Variants in ROBO1 observed in about 807,000 individuals in gnomAD.
ROBO1 encodes roundabout guidance receptor 1, also known as roundabout homolog 1.
Under a neutral mutation model 195.9 loss-of-function variants are expected in ROBO1, and 149 were observed. The observed-to-expected ratio is 0.76, with a 90% CI of 0.67 to 0.87. The LOEUF is 0.87. Ranked by LOEUF, ROBO1 falls within the 40% of genes least tolerant of loss-of-function variation. The probability of loss-of-function intolerance (pLI) is 0.00; values close to 1 mark genes in which losing one functional copy is unlikely to be tolerated. For missense variants in ROBO1, 1,933 were observed against 2,068.3 expected (o/e 0.93, Z 1.27); for synonymous variants, 816 against 733.2 (o/e 1.11, Z -1.82).
chr3:78,710,023 G>A (rs577202903), intron 8 of ROBO1, among the ~76,000 whole-genome samples: 2 of 152,096 alleles, frequency 1.3e-5, no homozygotes, highest in African/African-American at 2.4e-5. Context: ...CTTCACTGGC[G>A]CTAGCAAAAT....
chr3:78,737,446 G>C (rs2082418119), intron 5 of ROBO1, among the ~76,000 whole-genome samples: 1 of 152,138 alleles, frequency 6.6e-6, no homozygotes, highest in African/African-American at 2.4e-5. Flanking sequence ...TAGGTATTAA[G>C]TGTGTCACCA....
intron 2 of ROBO1, among the ~76,000 whole-genome samples, chr3:79,231,111 A>G (rs1489175094): frequency 6.6e-6 from 1 of 152,172 alleles, no homozygotes; most frequent in African/African-American, 2.4e-5. Flanking sequence ...TGGAAGTATA[A>G]CAACTCTGGA....
chr3:78,947,081 T>A (rs1179595083), intron 3 of ROBO1, among the ~76,000 whole-genome samples: 1 of 151,782 alleles, frequency 6.6e-6, no homozygotes, highest in African/African-American at 2.4e-5. Flanking sequence ...ATGGGAGATT[T>A]TAACACCCCA....
Position 79,107,106 on chromosome 3 carries a change from T to TTCTCTC in ROBO1, c.172+18344_172+18349dup, listed in dbSNP as rs1162609873. Among the ~76,000 whole-genome samples the TTCTCTC allele has an allele frequency of 8.9e-3, 1,119 of 125,346 alleles. 18 individuals carry two copies. The highest frequency in any genetic ancestry group is 0.03 in the African/African-American group (1,058 of 34,818). The allele number at this position is 125,346 out of a possible 152,430, so 82.2% of individuals were successfully genotyped here. A position where few individuals can be genotyped will look rare whatever the true frequency, so the allele number is the denominator to read the frequency against. On this transcript the variant is annotated intron_variant, in intron 3 of 30. Transcript: ENST00000464233. ...AAACTGCTTATCTATACCTCTCTCT[T>TTCTCTC]TCTCTCTCTCTCTCTCTCTCTCACA...
chr3:79,405,927 C>T (rs548757064), intron 2 of ROBO1, among the ~76,000 whole-genome samples: 2 of 152,116 alleles, frequency 1.3e-5, no homozygotes, highest in South Asian at 2.1e-4. Flanking sequence ...AACTGTTTTG[C>T]AGTATTAAGT....
intron 2 of ROBO1, among the ~76,000 whole-genome samples, chr3:79,530,842 T>C (rs991869440): frequency 2.0e-5 from 3 of 150,460 alleles, no homozygotes; most frequent in East Asian, 2.0e-4. Context: ...AGAATAAAGA[T>C]GGAAGTCCCT....
intron 1 of ROBO1, among the ~76,000 whole-genome samples, chr3:79,641,820 C>T (rs892867432): frequency 1.3e-5 from 2 of 151,968 alleles, no homozygotes; most frequent in African/African-American, 4.8e-5. Flanking sequence ...GGGTTCGAGA[C>T]CAGGCTGGGC....
At chr3:79,506,348 T>C (rs1367031964) in intron 2 of ROBO1, among the ~76,000 whole-genome samples, 2 of 152,090 alleles carry the variant, frequency 1.3e-5, no homozygotes, top group Admixed American at 6.5e-5. Flanking sequence ...GATAATGAAA[T>C]GACAAATAAT....
At chr3:79,147,465 G>A (rs184798540) in intron 2 of ROBO1, among the ~76,000 whole-genome samples, 26 of 152,054 alleles carry the variant, frequency 1.7e-4, no homozygotes, top group Non-Finnish European at 2.5e-4. Context: ...CGATGTTCCC[G>A]AGGCAATGAT....
chr3:79,381,373 A>AAAG (rs1553730432), intron 2 of ROBO1, among the ~76,000 whole-genome samples: 41 of 115,422 alleles, frequency 3.6e-4, no homozygotes, highest in African/African-American at 1.3e-3. Flanking sequence ...AAAAAAAAAA[A>AAAG]AAAAGAAAAG....
intron 1 of ROBO1, among the ~76,000 whole-genome samples, chr3:79,759,884 T>G (rs1704594940): frequency 6.6e-6 from 1 of 152,054 alleles, no homozygotes; most frequent in Non-Finnish European, 1.5e-5. Context: ...GGCAGTCATA[T>G]TTTTCAGCAC....
chr3:79,711,901 T>C (rs1702289582), intron 1 of ROBO1, among the ~76,000 whole-genome samples: 1 of 138,992 alleles, frequency 7.2e-6, no homozygotes. Flanking sequence ...TTGACATTAC[T>C]ATTCTAATTT....
At position 79,146,387 on chromosome 3, in the gene ROBO1, T is replaced by G. The variant is rs576748207; in HGVS notation, c.89-20848A>C. ...GAGCCCATCAATTCTATCAGCTATA[T>G]TGATTCTTTTGTCATTTTTGTGAAC... On this transcript the variant is annotated intron_variant, in intron 2 of 30. Transcript: ENST00000464233. Among the ~76,000 whole-genome samples, 11 of 152,108 alleles carry G rather than the reference T, an allele frequency of 7.2e-5. No individual in the cohort carries two copies. The South Asian group carries it at 2.3e-3, about 32-fold the overall frequency.
At chr3:78,659,180 C>T (rs1707225996) in intron 17 of ROBO1, among the ~76,000 whole-genome samples, 1 of 152,088 alleles carries the variant, frequency 6.6e-6, no homozygotes, top group Admixed American at 6.6e-5. Context: ...AGACTTTTAC[C>T]TTTTAATGCC....
chr3:78,641,858 G>A (rs1213138604), intron 21 of ROBO1, among the ~76,000 whole-genome samples: 1 of 152,164 alleles, frequency 6.6e-6, no homozygotes. Context: ...ATATATATGA[G>A]TGATTTCCAA....
intron 2 of ROBO1, among the ~76,000 whole-genome samples, chr3:79,214,825 T>TAA (rs1576825586): frequency 7.1e-6 from 1 of 140,166 alleles, no homozygotes; most frequent in East Asian, 2.0e-4. Context: ...TATATATATA[T>TAA]ATTTTTTTTT....
intron 3 of ROBO1, among the ~76,000 whole-genome samples, chr3:78,970,105 T>C (rs1050430251): frequency 6.6e-6 from 1 of 152,102 alleles, no homozygotes; most frequent in African/African-American, 2.4e-5. Flanking sequence ...AAAGACTCAT[T>C]AAAGGTGAAG....
chr3:79,445,621 C>A (rs1263982844), intron 2 of ROBO1, among the ~76,000 whole-genome samples: 9 of 150,918 alleles, frequency 6.0e-5, no homozygotes, highest in Non-Finnish European at 1.0e-4. Flanking sequence ...CTCACCCTCC[C>A]GAGTAGCTGG....
intron 3 of ROBO1, among the ~76,000 whole-genome samples, chr3:78,971,751 TTG>T (rs2076772317): frequency 4.9e-5 from 7 of 142,970 alleles, no homozygotes; most frequent in Admixed American, 7.4e-5. Context: ...ATTTTTTTTG[TTG>T]TTGTTGTTGT....
Sources: allele counts gnomAD v4.1 joint callset (sites outside exome capture counted in the v4.1 genomes callset), GRCh38; gene constraint gnomAD v4.1.1; transcripts MANE v1.5; gene names NCBI Gene and HGNC (gene_info 2026-07-23, HGNC 2026-07-21).